The following MAPT variants were observed in gnomAD, a reference collection of about 807,000 sequenced individuals.
MAPT encodes microtubule associated protein tau.
MAPT carries 34 observed loss-of-function variants against 67.9 expected under a neutral mutation model. That is an observed-to-expected ratio of 0.50 (90% CI 0.38 to 0.67). MAPT has a LOEUF of 0.67. Among genes scored for constraint, MAPT ranks in the 30% least tolerant of loss-of-function variants. The pLI is 0.00. For missense variants in MAPT, 881 were observed against 1,115.2 expected, an observed-to-expected ratio of 0.79 and a Z score of 2.99; for synonymous variants, 456 against 464.5, an observed-to-expected ratio of 0.98 and a Z score of 0.23.
chr17:45,920,814 A>G (rs1364411766), intron 1 of MAPT, among the ~76,000 whole-genome samples: 1 of 152,150 alleles, frequency 6.6e-6, no homozygotes, highest in Non-Finnish European at 1.5e-5. Flanking sequence ...GGGCCCAGGA[A>G]GGATAGCAGC....
intron 1 of MAPT, among the ~76,000 whole-genome samples, chr17:45,936,058 A>G (rs2067293528): frequency 6.6e-6 from 1 of 152,236 alleles, no homozygotes; most frequent in Admixed American, 6.5e-5. Flanking sequence ...TTTGCTCAGC[A>G]TGAAGCCATG....
chr17:45,936,971 T>C (rs529137026), intron 1 of MAPT, among the ~76,000 whole-genome samples: 105 of 152,250 alleles, frequency 6.9e-4, no homozygotes, highest in African/African-American at 2.4e-3. Flanking sequence ...GGATGGCTCT[T>C]CTGTCTGATT....
chr17:45,946,049 T>TAAAAAAAAA (rs569449750), intron 1 of MAPT, among the ~76,000 whole-genome samples: 114 of 152,308 alleles, frequency 7.5e-4, no homozygotes, highest in African/African-American at 2.6e-3. Context: ...ATAAAATACA[T>TAAAAAAAAA]TCTCTCCAGC....
Position 45,983,276 on chromosome 17 carries a change from C to G in MAPT, c.697C>G (p.Leu233Val), listed in dbSNP as rs1338118117. The G allele has an allele frequency of 6.3e-7, 1 of 1,598,892 alleles. No homozygotes were observed. Among genetic ancestry groups the G allele is most frequent in the South Asian group, 1.1e-5 (1 of 88,986 alleles). The part of the protein sequence containing the change: ...QLMSGMPGAP[L>V]LPEGPREATR... ...CATGTCCGGCATGCCTGGGGCTCCC[C>G]TCCTGCCTGAGGGCCCCAGAGAGGC... The change falls in exon 5 of 13, where the codon CTC (leucine) becomes GTC (valine). Residue 233 changes from leucine to valine, a missense_variant. Transcript: ENST00000262410.
At chr17:46,006,391 C>T (rs1459675032) in intron 9 of MAPT, among the ~76,000 whole-genome samples, 2 of 151,946 alleles carry the variant, frequency 1.3e-5, no homozygotes. Flanking sequence ...AAATTAAACT[C>T]ATGGAGATAG....
chr17:45,983,513 G>T lies in MAPT; in HGVS notation c.934G>T (p.Ala312Ser), dbSNP rs774589449. ...CCCCCAAGACTCCCCTCCCTCCAAG[G>T]CCTCCCCAGCCCAAGATGGGCGGCC... ...SSPQDSPPSK[A>S]SPAQDGRPPQ... Residue 312 changes from alanine (A) to serine (S), a missense_variant, in exon 5 of 13, where the codon GCC becomes TCC. Coordinates refer to ENST00000262410, the MANE Select transcript of MAPT (RefSeq NM_001377265.1). The T allele has an allele frequency of 6.2e-7, 1 of 1,612,792 alleles. No individual in the cohort carries two copies. The highest frequency in any genetic ancestry group is 1.1e-5 in the South Asian group (1 of 91,066).
At chr17:45,999,117 A>G in intron 9 of MAPT, 5 of 1,273,234 alleles carry the variant, frequency 3.9e-6, no homozygotes, top group Non-Finnish European at 4.2e-6. Flanking sequence ...CCTGTGTCCC[A>G]TGGTGGGGAA....
chr17:45,966,256 A>T (rs2071068465), intron 2 of MAPT, among the ~76,000 whole-genome samples: 1 of 152,204 alleles, frequency 6.6e-6, no homozygotes, highest in Non-Finnish European at 1.5e-5. Flanking sequence ...GTTTTCTGTA[A>T]ATCTAAAACT....
At chr17:45,958,892 G>A (rs1027580463) in intron 1 of MAPT, among the ~76,000 whole-genome samples, 13 of 151,910 alleles carry the variant, frequency 8.6e-5, no homozygotes, top group South Asian at 2.1e-4. Flanking sequence ...GTGAAATCCC[G>A]TCTCTACAAA....
chr17:45,959,509 A>G (rs2070139636), intron 1 of MAPT, among the ~76,000 whole-genome samples: 1 of 152,168 alleles, frequency 6.6e-6, no homozygotes, highest in Non-Finnish European at 1.5e-5. Flanking sequence ...GCTTCTCAAA[A>G]TTCTATGGAC....
chr17:46,014,987 G>GA (rs2076076891), intron 11 of MAPT, among the ~76,000 whole-genome samples: 1 of 152,130 alleles, frequency 6.6e-6, no homozygotes. Flanking sequence ...ATGGTGGGGG[G>GA]ATGGTCAATG....
chr17:45,963,624 G>A (rs2070708057), intron 2 of MAPT, among the ~76,000 whole-genome samples: 1 of 152,172 alleles, frequency 6.6e-6, no homozygotes, highest in African/African-American at 2.4e-5. Context: ...CTCTTTTAAT[G>A]CTAAAAATAA....
intron 1 of MAPT, among the ~76,000 whole-genome samples, chr17:45,954,763 G>A (rs766182366): frequency 3.3e-5 from 5 of 151,988 alleles, no homozygotes; most frequent in Non-Finnish European, 5.9e-5. Context: ...GGTGGATCAC[G>A]AGGCCAGGAG....
Position 45,996,724 on chromosome 17 carries a change from T to C in MAPT, c.1998+60T>C, listed in dbSNP as rs2074508118. Reference sequence around the variant, plus strand: ...GGCTGCGCCTGGAGGGGTAGGGCTGTGCCTGGAAGGGTAGGGCTGCGCCTG... The same window carrying C: ...GGCTGCGCCTGGAGGGGTAGGGCTGCGCCTGGAAGGGTAGGGCTGCGCCTG... On this transcript the variant is annotated intron_variant, in intron 9 of 12. Transcript: ENST00000262410. This position sits in a 1 kb window ranked among gnomAD's most constrained non-coding sequence, Gnocchi z 4.5. 6.3e-7 allele frequency: 1 copy of C among 1,595,732 alleles called. No homozygotes were observed. Among genetic ancestry groups the C allele is most frequent in the Non-Finnish European group, 8.5e-7 (1 of 1,170,362 alleles).
intron 3 of MAPT, 29 bp from the exon 4 acceptor site, chr17:45,978,346 C>A (rs200726205): frequency 6.3e-7 from 1 of 1,577,110 alleles, no homozygotes; most frequent in Admixed American, 1.7e-5. Context: ...TTGCTTTTAC[C>A]CCCCTTCATT....
In MAPT at chr17:46,024,245, C is replaced by A; in HGVS notation, c.*74C>A. On this transcript the variant is annotated 3_prime_UTR_variant, in exon 13 of 13. Coordinates refer to ENST00000262410, the MANE Select transcript of MAPT (RefSeq NM_001377265.1). The stretch of plus-strand genomic sequence containing the variant: ...GTGTGGAAAAAAAAAGAATAATGAC[C>A]CGGCCCCCGCCCTCTGCCCCCAGCT... The A allele has an allele frequency of 7.5e-7, 1 of 1,328,542 alleles. No homozygotes were observed. The highest frequency in any genetic ancestry group is 1.2e-5 in the South Asian group (1 of 83,626). 82.3% of individuals were successfully genotyped at this position (1,328,542 alleles called of 1,614,324 possible). A position where few individuals can be genotyped will look rare whatever the true frequency, so the allele number is the denominator to read the frequency against.
chr17:45,920,558 G>C (rs1426381964), intron 1 of MAPT, among the ~76,000 whole-genome samples: 1 of 152,164 alleles, frequency 6.6e-6, no homozygotes, highest in Non-Finnish European at 1.5e-5. Flanking sequence ...CCTTCTGCCT[G>C]GCAGCTCCAA....
chr17:45,917,501 T>G lies in MAPT; in HGVS notation c.-18+22815T>G, dbSNP rs139118652. 3.9e-5 allele frequency among the ~76,000 whole-genome samples: 6 copies of G among 152,282 alleles called. No homozygotes were observed. In the East Asian group the frequency reaches 1.2e-3, roughly 29 times the overall value. Reference sequence around the variant, plus strand: ...GCCCCTGCTTAAAAACTAATGCAAATTTTCCTAGAGAATATCCACTAATTC... The same window carrying G: ...GCCCCTGCTTAAAAACTAATGCAAAGTTTCCTAGAGAATATCCACTAATTC... On this transcript the variant is annotated intron_variant, in intron 1 of 12. Transcript: ENST00000262410.
At position 46,027,671 on chromosome 17, in the gene MAPT, G is replaced by GAGTT. The variant is rs1297720522; in HGVS notation, c.*3503_*3506dup. 2.0e-5 allele frequency: 3 copies of GAGTT among 152,346 alleles called. No homozygotes were observed. The highest frequency in any genetic ancestry group is 2.9e-5 in the Non-Finnish European group (2 of 68,084). The allele number at this position is 152,346 out of a possible 1,614,324, so 9.4% of individuals were successfully genotyped here. Reference sequence around the variant, plus strand: ...TTGCTAGAGGGAGGGAGCAGCCACGGAGTTAGAGGCCCTTGGGGTTTCTCT... The same window carrying GAGTT: ...TTGCTAGAGGGAGGGAGCAGCCACGGAGTTAGTTAGAGGCCCTTGGGGTTTCTCT... On this transcript the variant is annotated 3_prime_UTR_variant, in exon 13 of 13. Transcript: ENST00000262410.
Sources: allele counts gnomAD v4.1 joint callset (sites outside exome capture counted in the v4.1 genomes callset), GRCh38; gene constraint gnomAD v4.1.1; non-coding constraint Gnocchi (gnomAD v3.1); transcripts MANE v1.5; gene names NCBI Gene and HGNC (gene_info 2026-07-23, HGNC 2026-07-21).